Variants in OSBPL6 observed in about 807,000 individuals in gnomAD.
The protein encoded by OSBPL6 is oxysterol binding protein like 6.
Under a neutral mutation model 125.8 loss-of-function variants are expected in OSBPL6, and 49 were observed. The observed-to-expected ratio is 0.39, with a 90% CI of 0.31 to 0.49. The LOEUF (loss-of-function observed/expected upper bound fraction) is 0.49, where lower values mean the gene tolerates loss of function less well. OSBPL6 is among the 20% of genes least tolerant of loss of function. The probability of loss-of-function intolerance (pLI) is 0.88; values close to 1 mark genes in which losing one functional copy is unlikely to be tolerated. For missense variants in OSBPL6, 986 were observed against 1,135.4 expected, an observed-to-expected ratio of 0.87 and a Z score of 1.89; for synonymous variants, 394 against 391.8, an observed-to-expected ratio of 1.01 and a Z score of -0.07.
intron 1 of OSBPL6, among the ~76,000 whole-genome samples, chr2:178,275,790 AAGC>A (rs1388714372): frequency 2.0e-5 from 3 of 151,788 alleles, no homozygotes; most frequent in South Asian, 4.2e-4. Flanking sequence ...AGACTTGGGG[AAGC>A]AGCAGCAGCA....
At chr2:178,388,330 T>A (rs1476952664) in intron 20 of OSBPL6, among the ~76,000 whole-genome samples, 2 of 152,188 alleles carry the variant, frequency 1.3e-5, no homozygotes, top group Non-Finnish European at 2.9e-5. Flanking sequence ...CCCAGAGTGA[T>A]CTTTCTTCAG....
At chr2:178,309,772 G>T (rs1260807921) in intron 3 of OSBPL6, among the ~76,000 whole-genome samples, 1 of 152,166 alleles carries the variant, frequency 6.6e-6, no homozygotes, top group African/African-American at 2.4e-5. Flanking sequence ...TCATTAAGCT[G>T]CAATAAACAT....
At chr2:178,221,680 A>G (rs1351957381) in intron 1 of OSBPL6, among the ~76,000 whole-genome samples, 3 of 152,202 alleles carry the variant, frequency 2.0e-5, no homozygotes, top group Non-Finnish European at 4.4e-5. Context: ...ATGAGGATTG[A>G]CTTTGCAAAG....
chr2:178,264,136 C>T (rs2154019752), intron 1 of OSBPL6, among the ~76,000 whole-genome samples: 1 of 152,114 alleles, frequency 6.6e-6, no homozygotes. Context: ...TCAGTTATAT[C>T]ACTCAGTTCT....
At chr2:178,338,410 G>A (rs574117837) in intron 9 of OSBPL6, among the ~76,000 whole-genome samples, 36 of 152,266 alleles carry the variant, frequency 2.4e-4, no homozygotes, top group African/African-American at 7.9e-4. Context: ...ATGAGTTGAT[G>A]TCCAGGTGAT....
chr2:178,324,091 CTG>C, intron 3 of OSBPL6, 84 bp from the exon 4 acceptor site: 1 of 818,496 alleles, frequency 1.2e-6, no homozygotes, highest in South Asian at 2.7e-5. Flanking sequence ...ACTGTTTTGA[CTG>C]TGTTGTGTAT....
chr2:178,281,462 G>T (rs1008161081), intron 1 of OSBPL6, among the ~76,000 whole-genome samples: 1 of 152,094 alleles, frequency 6.6e-6, no homozygotes, highest in Non-Finnish European at 1.5e-5. Context: ...TGTAAGGAAG[G>T]GGTCCAGTTT....
At chr2:178,372,841 A>G (rs1157283888) in intron 14 of OSBPL6, among the ~76,000 whole-genome samples, 3 of 152,124 alleles carry the variant, frequency 2.0e-5, no homozygotes, top group Non-Finnish European at 4.4e-5. Flanking sequence ...TTATTATTCC[A>G]TTTTTCAGAT....
intron 2 of OSBPL6, among the ~76,000 whole-genome samples, chr2:178,289,852 T>C (rs202124577): frequency 6.6e-6 from 1 of 151,408 alleles, no homozygotes; most frequent in Non-Finnish European, 1.5e-5. Context: ...TTACTAGAAC[T>C]TGGAAGTTAG....
intron 3 of OSBPL6, among the ~76,000 whole-genome samples, chr2:178,313,015 C>G (rs973953422): frequency 6.6e-6 from 1 of 152,062 alleles, no homozygotes; most frequent in Admixed American, 6.6e-5. Context: ...CCTGCCTCAG[C>G]CTCCTGAGTA....
intron 15 of OSBPL6, among the ~76,000 whole-genome samples, chr2:178,378,304 G>A (rs868695189): frequency 7.2e-4 from 109 of 152,290 alleles, no homozygotes; most frequent in African/African-American, 2.3e-3. Context: ...CAGTTCTGGT[G>A]AGCCCAGAGC....
rs1481226098 is a variant in OSBPL6, at chr2:178,332,923, G to A, written c.539G>A (p.Arg180Gln). Reference protein sequence around the residue: ...DAWVSKLRHHRLYRQNEIVRS... With the variant: ...DAWVSKLRHHQLYRQNEIVRS... ...TGGGTCTCCAAACTGCGACATCATC[G>A]GTTGTATCGTCAGAATGAAATTGTG... The change falls in exon 8 of 25, where the codon CGG becomes CAG. Residue 180 changes from arginine (R) to glutamine (Q), a missense_variant. Around this residue, in one of 3 missense-constraint regions of OSBPL6, gnomAD observed 843 missense variants for 997.3 expected, o/e 0.85. Transcript: ENST00000190611. 10 of 1,613,896 alleles carry A rather than the reference G, an allele frequency of 6.2e-6. No homozygotes were observed. Among genetic ancestry groups the A allele is most frequent in the Admixed American group, 1.7e-5 (1 of 59,994 alleles).
intron 2 of OSBPL6, among the ~76,000 whole-genome samples, chr2:178,293,757 C>T (rs1386282039): frequency 6.6e-6 from 1 of 151,944 alleles, no homozygotes; most frequent in Non-Finnish European, 1.5e-5. Flanking sequence ...TTTTTGTACC[C>T]ATTAATCATC....
chr2:178,268,836 G>A (rs1461176798), intron 1 of OSBPL6, among the ~76,000 whole-genome samples: 2 of 151,754 alleles, frequency 1.3e-5, no homozygotes, highest in South Asian at 4.2e-4. Context: ...CATCTGGGTT[G>A]GTAGAGCTCA....
At chr2:178,265,511 C>T (rs1399278932) in intron 1 of OSBPL6, among the ~76,000 whole-genome samples, 1 of 152,054 alleles carries the variant, frequency 6.6e-6, no homozygotes, top group Non-Finnish European at 1.5e-5. Flanking sequence ...AACGTGCCAG[C>T]TGGATGCTTT....
intron 11 of OSBPL6, chr2:178,344,411 G>T: frequency 6.4e-7 from 1 of 1,568,648 alleles, no homozygotes; most frequent in South Asian, 1.1e-5. Flanking sequence ...GAGAACCTGT[G>T]TACAAGGATG....
At chr2:178,385,859 G>A (rs1428179658) in intron 19 of OSBPL6, among the ~76,000 whole-genome samples, 1 of 152,134 alleles carries the variant, frequency 6.6e-6, no homozygotes, top group Non-Finnish European at 1.5e-5. Flanking sequence ...TGGTTCTTCG[G>A]GGTGTGCAAA....
chr2:178,372,156 C>A lies in OSBPL6; in HGVS notation c.1318C>A (p.Arg440=), dbSNP rs1011458863. ...CAACCAGAATGCTGAACTAAGGAGTCGGTTGAACAGAATACATTCAGAGTC... is the reference window on the plus strand; with the variant it reads ...CAACCAGAATGCTGAACTAAGGAGTAGGTTGAACAGAATACATTCAGAGTC... ...ALNQNAELRS[R]LNRIHSESII... is the part of the protein sequence containing the mutation. Residue 440 remains arginine, a synonymous_variant, in exon 14 of 25, where the codon CGG becomes AGG. Coordinates refer to ENST00000190611, the MANE Select transcript of OSBPL6 (RefSeq NM_032523.4). 2 of 1,612,888 alleles carry A rather than the reference C, an allele frequency of 1.2e-6. No individual in the cohort carries two copies. Among genetic ancestry groups the A allele is most frequent in the East Asian group, 2.2e-5 (1 of 44,786 alleles).
At chr2:178,348,918 G>A (rs932565140) in intron 11 of OSBPL6, among the ~76,000 whole-genome samples, 3 of 152,114 alleles carry the variant, frequency 2.0e-5, no homozygotes, top group Non-Finnish European at 4.4e-5. Context: ...TATTTTTGAG[G>A]TGCAAGTATG....
Sources: allele counts gnomAD v4.1 joint callset (sites outside exome capture counted in the v4.1 genomes callset), GRCh38; gene constraint gnomAD v4.1.1; regional missense constraint gnomAD v4.1.1; transcripts MANE v1.5; gene names NCBI Gene and HGNC (gene_info 2026-07-23, HGNC 2026-07-21).